Variants in RAB40B observed in about 807,000 individuals in gnomAD.
RAB40B encodes ras-related protein Rab-40B.
In RAB40B, 21 loss-of-function variants were observed where a neutral mutation model predicts 24.0. The observed-to-expected ratio is 0.88, with a 90% CI of 0.62 to 1.26. The LOEUF is 1.26. Ranked by LOEUF, RAB40B falls within the 50% of genes most tolerant of loss-of-function variation. The pLI is 0.00. For synonymous variants in RAB40B, 167 were observed against 169.8 expected, an observed-to-expected ratio of 0.98 and a Z score of 0.13; for missense variants, 348 against 390.5, an observed-to-expected ratio of 0.89 and a Z score of 0.92.
rs2046077859 is a variant in RAB40B at position 82,654,983 on chromosome 17, T to C, written c.*2880A>G. 1 of 152,186 alleles carries C rather than the reference T, an allele frequency of 6.6e-6. No individual in the cohort carries two copies. The highest frequency in any genetic ancestry group is 2.4e-5 in the African/African-American group (1 of 41,430). The allele number at this position is 152,186 out of a possible 1,614,324, so 9.4% of individuals were successfully genotyped here. A position where few individuals can be genotyped will look rare whatever the true frequency, so the allele number is the denominator to read the frequency against. On this transcript the variant is annotated 3_prime_UTR_variant, in exon 6 of 6. Transcript: ENST00000571995. ...ATGACAAAGTTTCTCTAAGGTTTAA[T>C]TTATATTTATGTTTTTTGTATATTC...
rs767175482 is a variant in RAB40B, at chr17:82,658,093, A to C, written c.607T>G (p.Cys203Gly). 5 of 1,614,180 alleles carry C rather than the reference A, an allele frequency of 3.1e-6. No individual in the cohort carries two copies. Among genetic ancestry groups the C allele is most frequent in the Non-Finnish European group, 4.2e-6 (5 of 1,180,026 alleles). Residue 203 changes from cysteine (C) to glycine (G), a missense_variant, in exon 6 of 6, where the codon TGC (cysteine) becomes GGC (glycine). By Grantham distance (159) the Cys-to-Gly change is radical (BLOSUM62 -3). Around this residue, in one of 3 missense-constraint regions of RAB40B, gnomAD observed 121 missense variants for 124.0 expected, o/e 0.98. Transcript: ENST00000571995. ...TTGTCCACCAGGTGCACCGGCGTGC[A>C]GGACACGACCGCCCGGCAGCAGAGG... ...QDLCCRAVVSCTPVHLVDKLP... is the reference protein window; with the variant it reads ...QDLCCRAVVSGTPVHLVDKLP...
intron 1 of RAB40B, among the ~76,000 whole-genome samples, chr17:82,689,679 TA>T (rs1427633297): frequency 1.3e-5 from 2 of 152,088 alleles, no homozygotes; most frequent in Non-Finnish European, 2.9e-5. Context: ...GGTAAAGAAG[TA>T]GAAAACTGGC....
intron 4 of RAB40B, 197 bp downstream of exon 4, chr17:82,659,383 G>A (rs1231690840): frequency 6.9e-6 from 4 of 579,576 alleles, no homozygotes; most frequent in African/African-American, 1.9e-5. Context: ...CTGAGCTTTC[G>A]TGATTGTAGC....
chr17:82,673,616 C>T (rs979518559), intron 1 of RAB40B, among the ~76,000 whole-genome samples: 2 of 152,246 alleles, frequency 1.3e-5, no homozygotes, highest in African/African-American at 2.4e-5. Flanking sequence ...CCCTTAAACA[C>T]GTTCAGTCAT....
At position 82,692,229 on chromosome 17, in the gene RAB40B, C is replaced by T. The variant is rs983768839; in HGVS notation, c.142+6226G>A. 4.1e-5 allele frequency among the ~76,000 whole-genome samples: 6 copies of T among 148,042 alleles called. No individual in the cohort carries two copies. Among genetic ancestry groups the T allele is most frequent in the Non-Finnish European group, 7.5e-5 (5 of 66,934 alleles). On this transcript the variant is annotated intron_variant, in intron 1 of 5. Transcript: ENST00000571995. This position sits in a 1 kb window ranked among gnomAD's most constrained non-coding sequence, Gnocchi z 4.0. ...GACAGGCAGAGCAGTGGGGCCCGCA[C>T]GGTCCGTGGGCTGAGGTGACAGGCA...
At position 82,656,113 on chromosome 17, in the gene RAB40B, C is replaced by T. The variant is rs1390535547; in HGVS notation, c.*1750G>A. The stretch of plus-strand genomic sequence containing the variant: ...ACAGGTGTGCGCTGCCATGCCAAGC[C>T]AATTTTTGTAATTTTATTAGAGACG... On this transcript the variant is annotated 3_prime_UTR_variant, in exon 6 of 6. Coordinates refer to ENST00000571995, the MANE Select transcript of RAB40B (RefSeq NM_006822.3). 6.6e-6 allele frequency: 1 copy of T among 151,924 alleles called. No homozygotes were observed. The highest frequency in any genetic ancestry group is 2.4e-5 in the African/African-American group (1 of 41,326). The allele number at this position is 151,924 out of a possible 1,614,324, so 9.4% of individuals were successfully genotyped here.
chr17:82,698,684 C>A lies in RAB40B; in HGVS notation c.-88G>T. 2 of 1,049,802 alleles carry A rather than the reference C, an allele frequency of 1.9e-6. No homozygotes were observed. Among genetic ancestry groups the A allele is most frequent in the Non-Finnish European group, 2.4e-6 (2 of 846,934 alleles). 65.0% of individuals were successfully genotyped at this position (1,049,802 alleles called of 1,614,324 possible). The stretch of plus-strand genomic sequence containing the variant: ...CGGCCCCGAGAGGCGCCGCGCGGGC[C>A]CCGAGTCCTTGCTCGCCTCCGGCCC... On this transcript the variant is annotated 5_prime_UTR_variant, in exon 1 of 6. Transcript: ENST00000571995.
chr17:82,685,977 T>C (rs893248340), intron 1 of RAB40B, among the ~76,000 whole-genome samples: 15 of 152,138 alleles, frequency 9.9e-5, no homozygotes, highest in African/African-American at 3.6e-4. Flanking sequence ...CTAATTTTTG[T>C]ATTTTTAGTA....
chr17:82,661,538 T>C (rs2046172655), intron 2 of RAB40B, among the ~76,000 whole-genome samples: 1 of 152,074 alleles, frequency 6.6e-6, no homozygotes, highest in South Asian at 2.1e-4. Context: ...AGTTCTCAGA[T>C]GACGGCACAC....
intron 1 of RAB40B, among the ~76,000 whole-genome samples, chr17:82,683,036 G>A (rs777681157): frequency 3.3e-5 from 5 of 152,108 alleles, no homozygotes; most frequent in Non-Finnish European, 5.9e-5. Flanking sequence ...CCAGGTACTC[G>A]GGAGGCTGAG....
intron 3 of RAB40B, 145 bp downstream of exon 3, chr17:82,660,842 A>G: frequency 1.0e-6 from 1 of 991,158 alleles, no homozygotes; most frequent in Non-Finnish European, 1.5e-6. Context: ...ACTCTACAGC[A>G]CGTTTTTAGA....
At chr17:82,665,332 A>T (rs2046241898) in intron 1 of RAB40B, among the ~76,000 whole-genome samples, 1 of 151,422 alleles carries the variant, frequency 6.6e-6, no homozygotes, top group Non-Finnish European at 1.5e-5. Context: ...AGCTCACTGC[A>T]GCCTCCACAG....
intron 1 of RAB40B, among the ~76,000 whole-genome samples, chr17:82,683,805 CAA>C (rs35145848): frequency 0.023 from 2,116 of 90,856 alleles, 9 homozygotes; most frequent in Non-Finnish European, 0.034. Flanking sequence ...ACCCTGTTTC[CAA>C]AAAAAAAAAA....
intron 1 of RAB40B, among the ~76,000 whole-genome samples, chr17:82,680,387 G>A (rs866483274): frequency 1.3e-4 from 20 of 152,294 alleles, no homozygotes; most frequent in South Asian, 4.1e-4. Context: ...GGGACGGGAC[G>A]GCAGTTCCCC....
intron 1 of RAB40B, among the ~76,000 whole-genome samples, chr17:82,671,444 A>C (rs12938650): frequency 0.95 from 79,558 of 83,816 alleles, 37,732 homozygotes; most frequent in South Asian, 0.97. Flanking sequence ...TCCCTGTACT[A>C]ACTGACACAC....
In RAB40B at chr17:82,657,813, C is replaced by T. The variant is rs752874827; in HGVS notation, c.*50G>A. 2.2e-5 allele frequency: 35 copies of T among 1,606,606 alleles called. No homozygotes were observed. The East Asian group carries it at 3.3e-4, about 15-fold the overall frequency. On this transcript the variant is annotated 3_prime_UTR_variant, in exon 6 of 6. Coordinates refer to ENST00000571995, the MANE Select transcript of RAB40B (RefSeq NM_006822.3). ...TGCATCCACCAGCTGCCGGGGGTAA[C>T]GCCGAGCTTCTCCTGGAGAGATTCC...
chr17:82,663,725 C>T lies in RAB40B; in HGVS notation c.203+771G>A, dbSNP rs2046206197. Among the ~76,000 whole-genome samples the T allele has an allele frequency of 6.6e-6, 1 of 152,138 alleles. No homozygotes were observed. The highest frequency in any genetic ancestry group is 2.1e-4 in the South Asian group (1 of 4,832). ...GAGCTCCCTGCCGGGTGCTCAGTGGCATCACTGAGCCAGGCGTGGGGGACC... is the reference window on the plus strand; with the variant it reads ...GAGCTCCCTGCCGGGTGCTCAGTGGTATCACTGAGCCAGGCGTGGGGGACC... On this transcript the variant is annotated intron_variant, in intron 2 of 5. Coordinates refer to ENST00000571995, the MANE Select transcript of RAB40B (RefSeq NM_006822.3). This position sits in a 1 kb window ranked among gnomAD's most constrained non-coding sequence, Gnocchi z 6.2.
intron 1 of RAB40B, among the ~76,000 whole-genome samples, chr17:82,680,254 T>C (rs932503366): frequency 5.3e-5 from 8 of 152,152 alleles, no homozygotes; most frequent in Non-Finnish European, 1.2e-4. Flanking sequence ...TAGGTTCCCA[T>C]ACACCCAGGG....
Position 82,679,427 on chromosome 17 carries a change from G to A in RAB40B, c.143-14871C>T, listed in dbSNP as rs552990105. ...CTCCCGAGTAGCTGGGACTACAGGT[G>A]CCTGCCACCACGCCCAGCTAATTTT... On this transcript the variant is annotated intron_variant, in intron 1 of 5. Coordinates refer to ENST00000571995, the MANE Select transcript of RAB40B (RefSeq NM_006822.3). 1.8e-3 allele frequency among the ~76,000 whole-genome samples: 273 copies of A among 151,368 alleles called. 4 individuals carry two copies. The South Asian group carries it at 0.018, about 10-fold the overall frequency.
Sources: gnomAD v4.1 joint callset for allele counts (sites outside exome capture counted in the v4.1 genomes callset) on GRCh38, gnomAD v4.1.1 for gene constraint, gnomAD v4.1.1 regional missense constraint, Gnocchi (gnomAD v3.1) non-coding constraint, MANE v1.5 for transcripts, NCBI Gene and HGNC (gene_info 2026-07-23, HGNC 2026-07-21) for gene names.